GPC5: variants seen among roughly 807,000 people sequenced by gnomAD.
GPC5 encodes glypican 5, also known as glypican-5.
Under a neutral mutation model 53.9 loss-of-function variants are expected in GPC5, and 47 were observed. The observed-to-expected ratio is 0.87, with a 90% CI of 0.69 to 1.11. GPC5 has a LOEUF of 1.11. Ranked by LOEUF, GPC5 falls within the 50% of genes most tolerant of loss-of-function variation. GPC5 has a pLI of 0.00. For synonymous variants in GPC5, 286 were observed against 263.3 expected (o/e 1.09, Z -0.84); for missense variants, 748 against 713.1 (o/e 1.05, Z -0.56).
intron 7 of GPC5, among the ~76,000 whole-genome samples, chr13:92,231,681 A>G (rs776409021): frequency 1.5e-4 from 22 of 149,446 alleles, no homozygotes; most frequent in Non-Finnish European, 2.2e-4. Context: ...GAAATTCCCA[A>G]TGACAGCCAG....
intron 7 of GPC5, among the ~76,000 whole-genome samples, chr13:92,600,083 AT>A (rs1168847512): frequency 1.3e-5 from 2 of 152,078 alleles, no homozygotes; most frequent in Non-Finnish European, 2.9e-5. Context: ...ATGGCTTTCA[AT>A]TTTTTTATTT....
intron 2 of GPC5, among the ~76,000 whole-genome samples, chr13:91,617,698 T>C (rs181010720): frequency 7.2e-5 from 11 of 152,140 alleles, no homozygotes; most frequent in Admixed American, 5.9e-4. Context: ...ACTTTAATTC[T>C]CCTTTTTAGG....
chr13:92,134,482 G>A (rs190038348), intron 6 of GPC5, among the ~76,000 whole-genome samples: 1 of 152,178 alleles, frequency 6.6e-6, no homozygotes, highest in Admixed American at 6.6e-5. Context: ...TGCATATAAA[G>A]ACCTAGTTAA....
At chr13:91,789,370 C>A (rs535895344) in intron 5 of GPC5, among the ~76,000 whole-genome samples, 1 of 152,228 alleles carries the variant, frequency 6.6e-6, no homozygotes, top group South Asian at 2.1e-4. Context: ...TTGATAACAT[C>A]TTAAAAAATA....
chr13:92,377,722 G>C (rs971611004), intron 7 of GPC5, among the ~76,000 whole-genome samples: 5 of 151,968 alleles, frequency 3.3e-5, no homozygotes, highest in African/African-American at 1.2e-4. Context: ...GATTAATAAT[G>C]CTTTTTGTTT....
intron 7 of GPC5, among the ~76,000 whole-genome samples, chr13:92,217,725 C>A (rs370399108): frequency 1.3e-5 from 2 of 151,976 alleles, no homozygotes; most frequent in African/African-American, 4.8e-5. Context: ...TTTCTTTTAA[C>A]AACATTCAGG....
intron 7 of GPC5, among the ~76,000 whole-genome samples, chr13:92,290,812 T>C (rs9523601): frequency 0.83 from 125,701 of 152,202 alleles, 52,692 homozygotes; most frequent in African/African-American, 0.95. Context: ...TTCAGCCCGC[T>C]GCTGCACTGT....
intron 7 of GPC5, among the ~76,000 whole-genome samples, chr13:92,481,316 T>A (rs982662379): frequency 6.6e-6 from 1 of 152,074 alleles, no homozygotes; most frequent in Non-Finnish European, 1.5e-5. Flanking sequence ...TTAGCCAAGA[T>A]GGTCTCGATC....
intron 7 of GPC5, among the ~76,000 whole-genome samples, chr13:92,403,639 T>C (rs960326377): frequency 6.6e-6 from 1 of 152,192 alleles, no homozygotes; most frequent in Non-Finnish European, 1.5e-5. Context: ...AATTGGTCCT[T>C]GGTGCCAAAA....
At chr13:92,254,103 G>GA (rs1477959330) in intron 7 of GPC5, among the ~76,000 whole-genome samples, 2 of 151,882 alleles carry the variant, frequency 1.3e-5, no homozygotes, top group East Asian at 3.9e-4. Context: ...TTCAACCCAA[G>GA]AAAAAATCAA....
chr13:92,269,401 T>A (rs1056086567), intron 7 of GPC5, among the ~76,000 whole-genome samples: 6 of 150,892 alleles, frequency 4.0e-5, no homozygotes, highest in Admixed American at 3.3e-4. Context: ...TATTCCTTTT[T>A]TTTGTTTTGT....
chr13:92,391,801 G>T (rs776816270), intron 7 of GPC5, among the ~76,000 whole-genome samples: 3 of 152,006 alleles, frequency 2.0e-5, no homozygotes, highest in Non-Finnish European at 4.4e-5. Flanking sequence ...GGAACACATA[G>T]AATCCCAGGC....
At chr13:92,276,973 A>G (rs1339584383) in intron 7 of GPC5, among the ~76,000 whole-genome samples, 1 of 151,978 alleles carries the variant, frequency 6.6e-6, no homozygotes, top group Non-Finnish European at 1.5e-5. Flanking sequence ...ATGAAAAGTA[A>G]ACATTACTTT....
chr13:92,538,557 C>T (rs1456175478), intron 7 of GPC5, among the ~76,000 whole-genome samples: 4 of 147,800 alleles, frequency 2.7e-5, no homozygotes, highest in Non-Finnish European at 6.0e-5. Context: ...TGGTTTGCTA[C>T]ACCCATCAAC....
At chr13:91,497,310 T>A (rs201302391) in intron 2 of GPC5, among the ~76,000 whole-genome samples, 102 of 61,338 alleles carry the variant, frequency 1.7e-3, no homozygotes, top group Admixed American at 3.6e-3. Flanking sequence ...CTTCAGATAT[T>A]TTTTTTTTTA....
At chr13:91,835,138 C>T (rs191959769) in intron 5 of GPC5, among the ~76,000 whole-genome samples, 2 of 152,056 alleles carry the variant, frequency 1.3e-5, no homozygotes, top group African/African-American at 4.8e-5. Context: ...CATATGAAAT[C>T]TCATCATCAC....
At chr13:91,693,972 G>C in intron 3 of GPC5, 91 bp downstream of exon 3, 3 of 943,522 alleles carry the variant, frequency 3.2e-6, no homozygotes, top group Non-Finnish European at 4.7e-6. Flanking sequence ...GAATGTGTCT[G>C]TTGATATATT....
intron 5 of GPC5, among the ~76,000 whole-genome samples, chr13:91,835,623 C>T (rs1387622232): frequency 6.6e-6 from 1 of 151,936 alleles, no homozygotes; most frequent in Non-Finnish European, 1.5e-5. Flanking sequence ...TCTCAGCAAA[C>T]TAACACAAGA....
At chr13:92,207,237 T>G (rs1480098330) in intron 7 of GPC5, among the ~76,000 whole-genome samples, 1 of 152,188 alleles carries the variant, frequency 6.6e-6, no homozygotes, top group Non-Finnish European at 1.5e-5. Flanking sequence ...GTGGATTGTC[T>G]TGAGCACTAG....
Sources: allele counts gnomAD v4.1 joint callset (sites outside exome capture counted in the v4.1 genomes callset), GRCh38; gene constraint gnomAD v4.1.1; transcripts MANE v1.5; gene names NCBI Gene and HGNC (gene_info 2026-07-23, HGNC 2026-07-21).